ORC4: variants seen among roughly 807,000 people sequenced by gnomAD.
The protein encoded by ORC4 is origin recognition complex, subunit 4 homolog.
ORC4 carries 55 observed loss-of-function variants against 63.9 expected under a neutral mutation model. The ratio of observed to expected loss-of-function variants is 0.86; its 90% confidence interval spans 0.69 to 1.08. The LOEUF is 1.08. Ranked by LOEUF, ORC4 falls within the 50% of genes least tolerant of loss-of-function variation. The probability of loss-of-function intolerance (pLI) is 0.00; values close to 1 mark genes in which losing one functional copy is unlikely to be tolerated. For synonymous variants in ORC4, 150 were observed against 168.5 expected, an observed-to-expected ratio of 0.89 and a Z score of 0.85; for missense variants, 511 against 504.4, an observed-to-expected ratio of 1.01 and a Z score of -0.13.
In ORC4 at chr2:147,934,956, T is replaced by C. The variant is rs1687971446; in HGVS notation, c.*554A>G. 1 of 154,164 alleles carries C rather than the reference T, an allele frequency of 6.5e-6. No homozygotes were observed. Among genetic ancestry groups the C allele is most frequent in the Non-Finnish European group, 1.4e-5 (1 of 69,396 alleles). 9.5% of individuals were successfully genotyped at this position (154,164 alleles called of 1,614,324 possible). On this transcript the variant is annotated 3_prime_UTR_variant, in exon 14 of 14. Transcript: ENST00000392857. ...ATGGTATGAGTACCACATTTTGAGA[T>C]GTCTAGAAGAAAAATCTTCAAACTC... is the stretch of plus-strand genomic sequence containing the variant.
chr2:147,998,881 T>C (rs1458233093), intron 1 of ORC4, among the ~76,000 whole-genome samples: 1 of 152,158 alleles, frequency 6.6e-6, no homozygotes, highest in Admixed American at 6.6e-5. Flanking sequence ...AAAGCATGTT[T>C]AAGATCAGTG....
chr2:147,970,436 T>C (rs1377445009), intron 4 of ORC4, among the ~76,000 whole-genome samples: 1 of 151,796 alleles, frequency 6.6e-6, no homozygotes, highest in Non-Finnish European at 1.5e-5. Flanking sequence ...CCTTAAAGAC[T>C]CACTAAAAAT....
At chr2:147,977,752 T>C (rs1420990149) in intron 1 of ORC4, among the ~76,000 whole-genome samples, 1 of 152,128 alleles carries the variant, frequency 6.6e-6, no homozygotes, top group East Asian at 1.9e-4. Context: ...GTACAGTGGA[T>C]GAAGATATGC....
In ORC4 at chr2:148,017,939, A is replaced by C. The variant is rs564300480; in HGVS notation, c.-18+2694T>G. Among the ~76,000 whole-genome samples the C allele has an allele frequency of 1.2e-4, 18 of 152,288 alleles. No homozygotes were observed. The South Asian group carries it at 3.5e-3, about 30-fold the overall frequency. ...CATAGAACTTGTTATCTGGAGTTTA[A>C]ACTACGTATACAATTCAAAGAACAA... On this transcript the variant is annotated intron_variant, in intron 1 of 13. Transcript: ENST00000392857.
In ORC4 at chr2:147,933,089, T is replaced by TA. The variant is rs1687856508; in HGVS notation, c.*2420dup. On this transcript the variant is annotated 3_prime_UTR_variant, in exon 14 of 14. Transcript: ENST00000392857. The stretch of plus-strand genomic sequence containing the variant: ...CACTTGGATCCCTTGGATTCAGATG[T>TA]AAAAACACACTGAAATATTCCTCCT... The TA allele has an allele frequency of 6.6e-6, 1 of 152,076 alleles. No individual in the cohort carries two copies. The highest frequency in any genetic ancestry group is 2.1e-4 in the South Asian group (1 of 4,826). The allele number at this position is 152,076 out of a possible 1,614,324, so 9.4% of individuals were successfully genotyped here.
Position 147,932,943 on chromosome 2 carries a change from C to T in ORC4, c.*2567G>A, listed in dbSNP as rs1244070207. Reference sequence around the variant, plus strand: ...TTCATTAGGACATTAACAGGTATTACGTTTTCAACATATACAGCATTATGA... The same window carrying T: ...TTCATTAGGACATTAACAGGTATTATGTTTTCAACATATACAGCATTATGA... On this transcript the variant is annotated 3_prime_UTR_variant, in exon 14 of 14. Transcript: ENST00000392857. The T allele has an allele frequency of 1.3e-5, 2 of 152,080 alleles. No individual in the cohort carries two copies. Among genetic ancestry groups the T allele is most frequent in the African/African-American group, 4.8e-5 (2 of 41,420 alleles). The allele number at this position is 152,080 out of a possible 1,614,324, so 9.4% of individuals were successfully genotyped here. A position where few individuals can be genotyped will look rare whatever the true frequency, so the allele number is the denominator to read the frequency against.
intron 1 of ORC4, among the ~76,000 whole-genome samples, chr2:148,002,252 A>T (rs1333301222): frequency 6.6e-6 from 1 of 152,168 alleles, no homozygotes; most frequent in Non-Finnish European, 1.5e-5. Flanking sequence ...TCAGCTATGG[A>T]CCAAGTGGAC....
intron 1 of ORC4, among the ~76,000 whole-genome samples, chr2:147,976,449 G>GATATTTGCTTCAA (rs1690563054): frequency 2.0e-5 from 3 of 152,052 alleles, no homozygotes; most frequent in Admixed American, 2.0e-4. Flanking sequence ...ACTTTATTGT[G>GATATTTGCTTCAA]ATATTTGCTT....
chr2:147,947,698 T>C (rs1033946972), intron 9 of ORC4: 1 of 153,374 alleles, frequency 6.5e-6, no homozygotes, highest in African/African-American at 2.4e-5. Context: ...CATTTATTTA[T>C]CATTATTTAC....
chr2:147,945,522 T>C (rs1451535817), intron 9 of ORC4, among the ~76,000 whole-genome samples: 1 of 152,098 alleles, frequency 6.6e-6, no homozygotes, highest in African/African-American at 2.4e-5. Flanking sequence ...TAAGCTACAG[T>C]ACTTTGGGAG....
intron 1 of ORC4, among the ~76,000 whole-genome samples, chr2:148,003,810 G>A (rs1261945871): frequency 6.6e-6 from 1 of 152,192 alleles, no homozygotes; most frequent in Non-Finnish European, 1.5e-5. Flanking sequence ...AGGAAGAGAG[G>A]AAGTCAAATT....
intron 1 of ORC4, among the ~76,000 whole-genome samples, chr2:147,988,362 ATT>A (rs111917011): frequency 3.5e-5 from 5 of 143,382 alleles, no homozygotes; most frequent in Admixed American, 7.0e-5. Context: ...GACTTACTGA[ATT>A]TTTTTTTTTT....
At chr2:148,004,759 A>T (rs555402586) in intron 1 of ORC4, among the ~76,000 whole-genome samples, 1 of 152,192 alleles carries the variant, frequency 6.6e-6, no homozygotes, top group Non-Finnish European at 1.5e-5. Context: ...ACGAACAGAC[A>T]CTTCTCAAGA....
intron 1 of ORC4, among the ~76,000 whole-genome samples, chr2:148,002,799 C>G (rs1043588977): frequency 6.6e-6 from 1 of 151,948 alleles, no homozygotes; most frequent in African/African-American, 2.4e-5. Flanking sequence ...ACAAAAACCC[C>G]CTCAAAAAAA....
At position 147,955,240 on chromosome 2, in the gene ORC4, T is replaced by A. The variant is rs985832027; in HGVS notation, c.436+107A>T. 2.1e-5 allele frequency: 15 copies of A among 730,302 alleles called. No individual in the cohort carries two copies. In the Admixed American group the frequency reaches 2.9e-4, roughly 14 times the overall value. 45.2% of individuals were successfully genotyped at this position (730,302 alleles called of 1,614,324 possible). A position where few individuals can be genotyped will look rare whatever the true frequency, so the allele number is the denominator to read the frequency against. On this transcript the variant is annotated intron_variant, in intron 7 of 13. Transcript: ENST00000392857. ...TGTATTCTTTTTAATGTTTCTGTAT[T>A]TTATGAGAGCTTTTTTTTTTGGCAA...
In ORC4 at chr2:147,938,292, T is replaced by C. The variant is rs1420007304; in HGVS notation, c.1054+6A>G. ...TCAGAAAAAAGCTACTTAAGTCTCA[T>C]CTCACCATTATAGACCATTTGAAAA... On this transcript the variant is annotated splice_donor_region_variant and intron_variant, in intron 12 of 13. Transcript: ENST00000392857. The C allele has an allele frequency of 6.3e-7, 1 of 1,596,712 alleles. No homozygotes were observed. The highest frequency in any genetic ancestry group is 8.6e-7 in the Non-Finnish European group (1 of 1,164,820).
chr2:147,931,823 A>C lies in ORC4; in HGVS notation c.*3687T>G, dbSNP rs1212236399. 2.0e-5 allele frequency: 3 copies of C among 151,884 alleles called. No homozygotes were observed. Among genetic ancestry groups the C allele is most frequent in the Admixed American group, 2.0e-4 (3 of 15,224 alleles). The allele number at this position is 151,884 out of a possible 1,614,324, so 9.4% of individuals were successfully genotyped here. A position where few individuals can be genotyped will look rare whatever the true frequency, so the allele number is the denominator to read the frequency against. Reference sequence around the variant, plus strand: ...GGTGTATTTCAAAATAATAAGAGCTATCTATGACAAACCCACAGCCAATAT... The same window carrying C: ...GGTGTATTTCAAAATAATAAGAGCTCTCTATGACAAACCCACAGCCAATAT... On this transcript the variant is annotated 3_prime_UTR_variant, in exon 14 of 14. Transcript: ENST00000392857.
At position 147,934,745 on chromosome 2, in the gene ORC4, CAT is replaced by C. The variant is rs1687949863; in HGVS notation, c.*763_*764del. ...ATGGTAAAACATTTGTATATTTAGA[CAT>C]AGAAAAGGTACAGTAAAAATATGGT... On this transcript the variant is annotated 3_prime_UTR_variant, in exon 14 of 14. Coordinates refer to ENST00000392857, the MANE Select transcript of ORC4 (RefSeq NM_181741.4). The C allele has an allele frequency of 6.6e-6, 1 of 152,120 alleles. No homozygotes were observed. Among genetic ancestry groups the C allele is most frequent in the African/African-American group, 2.4e-5 (1 of 41,432 alleles). The allele number at this position is 152,120 out of a possible 1,614,324, so 9.4% of individuals were successfully genotyped here.
chr2:148,021,071 C>A (rs1693684916), upstream of ORC4: 1 of 154,214 alleles, frequency 6.5e-6, no homozygotes, highest in Non-Finnish European at 1.4e-5. Context: ...TCTCTTCTAC[C>A]CGAACCCCCC....
Sources: allele counts gnomAD v4.1 joint callset (sites outside exome capture counted in the v4.1 genomes callset), GRCh38; gene constraint gnomAD v4.1.1; transcripts MANE v1.5; gene names NCBI Gene and HGNC (gene_info 2026-07-23, HGNC 2026-07-21).